Variants in DNAH6 observed in about 807,000 individuals in gnomAD.
DNAH6 encodes the protein dynein axonemal heavy chain 6.
In DNAH6, 340 loss-of-function variants were observed where a neutral mutation model predicts 491.4. That is an observed-to-expected ratio of 0.69 (90% confidence interval 0.63 to 0.76). DNAH6 has a LOEUF of 0.76. Among genes scored for constraint, DNAH6 ranks in the 30% least tolerant of loss-of-function variants. The probability of loss-of-function intolerance (pLI) is 0.00; values close to 1 mark genes in which losing one functional copy is unlikely to be tolerated. For missense variants in DNAH6, 4,443 were observed against 4,972.2 expected, an observed-to-expected ratio of 0.89 and a Z score of 3.20; for synonymous variants, 1,603 against 1,686.1, an observed-to-expected ratio of 0.95 and a Z score of 1.21.
chr2:84,641,872 C>T (rs1689441528), intron 32 of DNAH6, 75 bp from the exon 33 acceptor site: 1 of 1,227,110 alleles, frequency 8.1e-7, no homozygotes, highest in Non-Finnish European at 1.1e-6. Context: ...GGGCTCTGCC[C>T]TCCCCACAGG....
At chr2:84,645,694 A>G (rs1246651356) in intron 33 of DNAH6, among the ~76,000 whole-genome samples, 1 of 152,160 alleles carries the variant, frequency 6.6e-6, no homozygotes, top group African/African-American at 2.4e-5. Flanking sequence ...AAATATTCAC[A>G]TGATGGGATT....
chr2:84,478,661 C>T, the DNAH6 span, among the ~76,000 whole-genome samples: 86 of 152,188 alleles, frequency 5.7e-4, no homozygotes, highest in Middle Eastern at 6.8e-3. Context: ...AAGAGTACCC[C>T]GGGGACCAAG....
At chr2:84,705,340 C>T in intron 51 of DNAH6, 146 bp from the exon 52 acceptor site, 3 of 810,568 alleles carry the variant, frequency 3.7e-6, no homozygotes, top group Non-Finnish European at 3.6e-6. Flanking sequence ...TGTGGTGCAC[C>T]TAACTACCAA....
chr2:84,494,508 T>C, the DNAH6 span, among the ~76,000 whole-genome samples: 2 of 152,108 alleles, frequency 1.3e-5, no homozygotes, highest in Non-Finnish European at 2.9e-5. Context: ...TGCAAAAATA[T>C]CATACACGGA....
chr2:84,744,171 A>G (rs1240182873), intron 62 of DNAH6, among the ~76,000 whole-genome samples: 1 of 152,218 alleles, frequency 6.6e-6, no homozygotes, highest in Admixed American at 6.5e-5. Context: ...GATTGCTATG[A>G]TTAAGCCCCC....
chr2:84,773,770 A>G (rs554611189), intron 64 of DNAH6, among the ~76,000 whole-genome samples: 57 of 152,166 alleles, frequency 3.7e-4, no homozygotes, highest in African/African-American at 1.4e-3. Flanking sequence ...ACTTTTTAAT[A>G]ATAGCCATTC....
intron 67 of DNAH6, among the ~76,000 whole-genome samples, chr2:84,785,957 G>C (rs1396240279): frequency 6.6e-6 from 1 of 152,184 alleles, no homozygotes; most frequent in Non-Finnish European, 1.5e-5. Flanking sequence ...CCTCTCGTCT[G>C]ATCTGCCTAC....
intron 62 of DNAH6, among the ~76,000 whole-genome samples, chr2:84,742,456 C>T (rs966290390): frequency 6.6e-6 from 1 of 152,056 alleles, no homozygotes; most frequent in Non-Finnish European, 1.5e-5. Flanking sequence ...TTTTGTTTGC[C>T]ACAACTGGGG....
chr2:84,787,139 A>G, intron 67 of DNAH6, 25 bp from the exon 68 acceptor site: 1 of 1,459,862 alleles, frequency 6.8e-7, no homozygotes, highest in South Asian at 1.4e-5. Flanking sequence ...ATTTTATTTC[A>G]GATCATTTTC....
At chr2:84,599,537 A>G (rs1685019129) in intron 18 of DNAH6, among the ~76,000 whole-genome samples, 2 of 152,154 alleles carry the variant, frequency 1.3e-5, no homozygotes, top group African/African-American at 4.8e-5. Context: ...GTACTTTTGT[A>G]CATATTATAT....
chr2:84,726,191 T>A (rs1029079838), intron 60 of DNAH6, among the ~76,000 whole-genome samples: 4 of 152,136 alleles, frequency 2.6e-5, no homozygotes, highest in African/African-American at 9.7e-5. Flanking sequence ...CTGATCTGCT[T>A]TGGTCCTTAG....
At chr2:84,698,568 T>G (rs542462776) in intron 47 of DNAH6, among the ~76,000 whole-genome samples, 1 of 152,194 alleles carries the variant, frequency 6.6e-6, no homozygotes, top group Non-Finnish European at 1.5e-5. Flanking sequence ...CAGAGCCATG[T>G]GTCCTCCATC....
At chr2:84,596,939 C>G (rs2104197791) in intron 18 of DNAH6, among the ~76,000 whole-genome samples, 1 of 152,184 alleles carries the variant, frequency 6.6e-6, no homozygotes, top group African/African-American at 2.4e-5. Context: ...TTTTTTTAAA[C>G]TTGAATACAG....
chr2:84,675,975 C>T (rs1167312142), intron 40 of DNAH6, among the ~76,000 whole-genome samples: 1 of 152,178 alleles, frequency 6.6e-6, no homozygotes, highest in African/African-American at 2.4e-5. Flanking sequence ...CTCTGTCCTT[C>T]CCACTAAAGC....
Position 84,713,196 on chromosome 2 carries a change from T to TA in DNAH6, c.9480_9481insA (p.Tyr3161IlefsTer2). Reference sequence around the variant, plus strand: ...TCCGTCTTGGAGACTCAGACATTGATTATGACAAAAACTTTAGGTTCTATA... The same window carrying TA: ...TCCGTCTTGGAGACTCAGACATTGATATATGACAAAAACTTTAGGTTCTATA... On this transcript the variant is annotated frameshift_variant, in exon 57 of 77. Coordinates refer to ENST00000389394, the MANE Select transcript of DNAH6 (RefSeq NM_001370.2). LOFTEE classifies it high-confidence loss of function. 3 of 1,552,090 alleles carry TA rather than the reference T, an allele frequency of 1.9e-6. No homozygotes were observed. The highest frequency in any genetic ancestry group is 2.6e-6 in the Non-Finnish European group (3 of 1,147,076).
intron 15 of DNAH6, among the ~76,000 whole-genome samples, chr2:84,588,257 G>A (rs542158933): frequency 7.2e-5 from 11 of 152,288 alleles, no homozygotes; most frequent in African/African-American, 2.6e-4. Context: ...CCTGAGCTAT[G>A]GCTATAAAGG....
At chr2:84,661,553 C>T (rs1360150320) in intron 37 of DNAH6, among the ~76,000 whole-genome samples, 2 of 152,026 alleles carry the variant, frequency 1.3e-5, no homozygotes, top group Non-Finnish European at 1.5e-5. Context: ...TTTATATAAG[C>T]AACAAAATAC....
intron 10 of DNAH6, among the ~76,000 whole-genome samples, chr2:84,556,984 A>G (rs573488468): frequency 6.6e-6 from 1 of 152,358 alleles, no homozygotes; most frequent in African/African-American, 2.4e-5. Context: ...CTAATTAGTT[A>G]TTAATATGAG....
In DNAH6 at chr2:84,707,606, G is replaced by A. The variant is rs1368955903; in HGVS notation, c.8938G>A (p.Glu2980Lys). 1.9e-6 allele frequency: 3 copies of A among 1,552,270 alleles called. No individual in the cohort carries two copies. Among genetic ancestry groups the A allele is most frequent in the Non-Finnish European group, 2.6e-6 (3 of 1,147,120 alleles). ...AGAAGATGAGCAGGTTCGATGGGAA[G>A]AAAGCATACAGAAGTTTGAGGAAGA... The part of the protein sequence containing the change: ...ALEDEQVRWE[E>K]SIQKFEEEIS... Residue 2980 changes from glutamate (E) to lysine (K), a missense_variant, in exon 54 of 77, where the codon GAA becomes AAA. Glu to Lys is a moderately conservative substitution (Grantham distance 56, BLOSUM62 1). Around this residue, in one of 3 missense-constraint regions of DNAH6, gnomAD observed 1,463 missense variants for 1,656.6 expected, o/e 0.88. Coordinates refer to ENST00000389394, the MANE Select transcript of DNAH6 (RefSeq NM_001370.2).
Sources: gnomAD v4.1 joint callset for allele counts (sites outside exome capture counted in the v4.1 genomes callset) on GRCh38, gnomAD v4.1.1 for gene constraint, gnomAD v4.1.1 regional missense constraint, MANE v1.5 for transcripts, NCBI Gene and HGNC (gene_info 2026-07-23, HGNC 2026-07-21) for gene names.